The following PRICKLE2 variants were observed in gnomAD, a reference collection of about 807,000 sequenced individuals.
PRICKLE2 encodes the protein prickle planar cell polarity protein 2, also known as prickle-like protein 2.
In PRICKLE2, 21 loss-of-function variants were observed where a neutral mutation model predicts 81.4. That is an observed-to-expected ratio of 0.26 (90% CI 0.18 to 0.37). The LOEUF (loss-of-function observed/expected upper bound fraction) is 0.37. PRICKLE2 is among the 10% of genes least tolerant of loss of function. The pLI is 1.00. For synonymous variants in PRICKLE2, 456 were observed against 421.5 expected, an observed-to-expected ratio of 1.08 and a Z score of -1.00; for missense variants, 940 against 1,109.0, an observed-to-expected ratio of 0.85 and a Z score of 2.16.
intron 7 of PRICKLE2, among the ~76,000 whole-genome samples, chr3:64,113,545 TC>T (rs1298341017): frequency 6.6e-6 from 1 of 152,080 alleles, no homozygotes; most frequent in African/African-American, 2.4e-5. Context: ...TACTGCAGCT[TC>T]CCCGGGGCCC....
At chr3:64,199,133 C>T in intron 1 of PRICKLE2, 166 bp from the exon 2 acceptor site, 1 of 679,932 alleles carries the variant, frequency 1.5e-6, no homozygotes, top group Admixed American at 2.3e-5. Context: ...ACTGTCTTTG[C>T]AGAGGGCGTG....
intron 1 of PRICKLE2, among the ~76,000 whole-genome samples, chr3:64,206,087 T>C (rs1358490744): frequency 3.3e-5 from 5 of 152,228 alleles, no homozygotes; most frequent in Non-Finnish European, 7.3e-5. Context: ...ATGAAACTCT[T>C]AGATAAATAA....
chr3:64,116,408 G>T (rs1266008411), intron 7 of PRICKLE2, among the ~76,000 whole-genome samples: 4 of 151,858 alleles, frequency 2.6e-5, no homozygotes, highest in African/African-American at 9.7e-5. Flanking sequence ...ATGAATCCAG[G>T]AGCTGGTTTT....
intron 1 of PRICKLE2, among the ~76,000 whole-genome samples, chr3:64,221,459 GCACA>G: frequency 8.3e-6 from 1 of 120,894 alleles, no homozygotes; most frequent in South Asian, 2.9e-4. Flanking sequence ...ACACACACAC[GCACA>G]CACACAGCAT....
chr3:64,229,481 G>A (rs1181458115), upstream of PRICKLE2, among the ~76,000 whole-genome samples: 2 of 152,096 alleles, frequency 1.3e-5, no homozygotes, highest in Non-Finnish European at 2.9e-5. Flanking sequence ...CCTAAAGAGG[G>A]TCCTAAATTC....
At chr3:64,217,895 T>C (rs909503171) in intron 1 of PRICKLE2, among the ~76,000 whole-genome samples, 2 of 152,164 alleles carry the variant, frequency 1.3e-5, no homozygotes, top group African/African-American at 4.8e-5. Flanking sequence ...GTGACAAATA[T>C]CAAACTCAGA....
chr3:64,165,172 C>T (rs749967978), intron 2 of PRICKLE2, among the ~76,000 whole-genome samples: 1 of 152,168 alleles, frequency 6.6e-6, no homozygotes, highest in Non-Finnish European at 1.5e-5. Flanking sequence ...CCTCTAATTA[C>T]TCACATACCC....
intron 6 of PRICKLE2, among the ~76,000 whole-genome samples, chr3:64,151,597 A>G (rs1477877751): frequency 1.3e-5 from 2 of 152,178 alleles, no homozygotes; most frequent in Non-Finnish European, 2.9e-5. Flanking sequence ...TATTGTTGCC[A>G]TGGGCTGGTA....
At chr3:64,199,784 A>G (rs1014904922) in intron 1 of PRICKLE2, 1 of 152,236 alleles carries the variant, frequency 6.6e-6, no homozygotes, top group African/African-American at 2.4e-5. Context: ...TCAGCAACAC[A>G]AAAGCATTTC....
chr3:64,181,582 C>A (rs140155396), intron 2 of PRICKLE2, among the ~76,000 whole-genome samples: 15 of 151,952 alleles, frequency 9.9e-5, no homozygotes, highest in African/African-American at 3.6e-4. Context: ...CAGATCCTTT[C>A]GGAAACTAGG....
chr3:64,216,555 T>C (rs1257039509), intron 1 of PRICKLE2, among the ~76,000 whole-genome samples: 1 of 152,232 alleles, frequency 6.6e-6, no homozygotes, highest in Non-Finnish European at 1.5e-5. Context: ...GATATCATAG[T>C]TACCATTTAG....
chr3:64,165,701 G>T (rs1295238428), intron 2 of PRICKLE2, among the ~76,000 whole-genome samples: 2 of 152,106 alleles, frequency 1.3e-5, no homozygotes, highest in African/African-American at 2.4e-5. Flanking sequence ...GAGAGACAGG[G>T]TCTTGCTATG....
In PRICKLE2 at chr3:64,216,667, A is replaced by C. The variant is rs555866664; in HGVS notation, c.-41+8243T>G. 2.9e-4 allele frequency among the ~76,000 whole-genome samples: 44 copies of C among 152,338 alleles called. 1 individual carries two copies. Among genetic ancestry groups the C allele is most frequent in the African/African-American group, 9.9e-4 (41 of 41,584 alleles). ...GTTTAGGCAGCTGGTTAGGCAGCCA[A>C]ACTGACACAGTGAAAAGAAGGCAGG... On this transcript the variant is annotated intron_variant, in intron 1 of 7. Coordinates refer to ENST00000638394, the MANE Select transcript of PRICKLE2 (RefSeq NM_198859.4).
rs377507099 is a variant in PRICKLE2 at position 64,243,549 on chromosome 3, C to T, written c.129-44582G>A. On this transcript the variant is annotated intron_variant, in intron 2 of 8. Transcript: ENST00000295902. ...ACACAGATTCTGGTATCAGTCATAC[C>T]TGGGTAGAAATCTCAGCTCTGTCAC... 7.2e-5 allele frequency among the ~76,000 whole-genome samples: 11 copies of T among 152,136 alleles called. No individual in the cohort carries two copies. In the East Asian group the frequency reaches 2.1e-3, roughly 29 times the overall value.
At chr3:64,157,430 G>A (rs2077655667) in intron 4 of PRICKLE2, 65 bp from the exon 5 acceptor site, 1 of 1,507,640 alleles carries the variant, frequency 6.6e-7, no homozygotes, top group Non-Finnish European at 9.1e-7. Flanking sequence ...GTGCATAAAT[G>A]ATAAAGGACA....
chr3:64,199,132 G>A (rs2078520326), intron 1 of PRICKLE2, 165 bp from the exon 2 acceptor site: 1 of 681,452 alleles, frequency 1.5e-6, no homozygotes, highest in East Asian at 2.7e-5. Context: ...GACTGTCTTT[G>A]CAGAGGGCGT....
intron 7 of PRICKLE2, among the ~76,000 whole-genome samples, chr3:64,104,088 C>A (rs2076714311): frequency 6.6e-6 from 1 of 152,206 alleles, no homozygotes; most frequent in Non-Finnish European, 1.5e-5. Context: ...ATATCATATA[C>A]TCCAGTAATT....
intron 7 of PRICKLE2, among the ~76,000 whole-genome samples, chr3:64,113,647 C>T (rs899709593): frequency 2.6e-5 from 4 of 152,112 alleles, no homozygotes; most frequent in African/African-American, 9.7e-5. Flanking sequence ...GTGTAGTCTG[C>T]ACCCACCCAG....
intron 7 of PRICKLE2, among the ~76,000 whole-genome samples, chr3:64,127,369 A>G (rs2077124489): frequency 6.6e-6 from 1 of 152,116 alleles, no homozygotes; most frequent in African/African-American, 2.4e-5. Flanking sequence ...CCTGCAGCCA[A>G]CGCTGGTCCT....
Sources: gnomAD v4.1 joint callset for allele counts (sites outside exome capture counted in the v4.1 genomes callset) on GRCh38, gnomAD v4.1.1 for gene constraint, MANE v1.5 for transcripts, NCBI Gene and HGNC (gene_info 2026-07-23, HGNC 2026-07-21) for gene names.